Variants in VAX1 observed in about 807,000 individuals in gnomAD.
The protein encoded by VAX1 is ventral anterior homeobox 1.
Under a neutral mutation model 17.6 loss-of-function variants are expected in VAX1, and 6 were observed. The ratio of observed to expected loss-of-function variants is 0.34; its 90% CI spans 0.19 to 0.67. The LOEUF is 0.67. Ranked by LOEUF, VAX1 falls within the 30% of genes least tolerant of loss-of-function variation. The pLI is 0.69. For missense variants in VAX1, 408 were observed against 463.7 expected (o/e 0.88, Z 1.10); for synonymous variants, 256 against 227.4 (o/e 1.13, Z -1.13).
At chr10:117,132,115 A>G, downstream of VAX1, 2 of 1,316,590 alleles carry the variant, frequency 1.5e-6, no homozygotes, top group Non-Finnish European at 2.1e-6. The surrounding 1 kb of genome is among the most constrained non-coding windows in gnomAD (Gnocchi z 4.9). Flanking sequence ...AGTGGAACAA[A>G]TCGTCGTAGC....
Position 117,136,418 on chromosome 10 carries a change from G to T in VAX1, c.429+54C>A. The T allele has an allele frequency of 1.2e-6, 2 of 1,603,084 alleles. No homozygotes were observed. Among genetic ancestry groups the T allele is most frequent in the Non-Finnish European group, 1.7e-6 (2 of 1,174,994 alleles). ...GGAGGTGAAGAGCAGGCTAGGTAGG[G>T]GTGGTGGGGAGGAAGGCTGGTGCAG... On this transcript the variant is annotated intron_variant, in intron 2 of 2. Transcript: ENST00000369206. This position sits in a 1 kb window ranked among gnomAD's most constrained non-coding sequence, Gnocchi z 5.0.
rs968516162 is a variant in VAX1 at position 117,133,475 on chromosome 10, G to A, written c.*533C>T. 2 of 985,444 alleles carry A rather than the reference G, an allele frequency of 2.0e-6. No individual in the cohort carries two copies. Among genetic ancestry groups the A allele is most frequent in the African/African-American group, 3.5e-5 (2 of 57,232 alleles). The allele number at this position is 985,444 out of a possible 1,614,324, so 61.0% of individuals were successfully genotyped here. A position where few individuals can be genotyped will look rare whatever the true frequency, so the allele number is the denominator to read the frequency against. On this transcript the variant is annotated 3_prime_UTR_variant, in exon 3 of 3. Transcript: ENST00000369206. The stretch of plus-strand genomic sequence containing the variant: ...TGTTGTGTACCGACTATCCCGAGAG[G>A]TCCGCAAAGCGGGGCCCAGGGGCTC...
rs985964471 is a variant in VAX1, at chr10:117,134,859, C to T, written c.430-276G>A. Among the ~76,000 whole-genome samples, 1 of 152,142 alleles carries T rather than the reference C, an allele frequency of 6.6e-6. No individual in the cohort carries two copies. The highest frequency in any genetic ancestry group is 2.4e-5 in the African/African-American group (1 of 41,446). On this transcript the variant is annotated intron_variant, in intron 2 of 2. Transcript: ENST00000369206. The surrounding 1 kb of genome is among the most constrained non-coding windows in gnomAD (Gnocchi z 6.2). ...ACACAGAACAAAGTAATAAAATGCC[C>T]ACGGCAGGAACTCGAAGGAAGACCG...
At chr10:117,132,100 A>G (rs1854092673), downstream of VAX1, 2 of 1,157,552 alleles carry the variant, frequency 1.7e-6, no homozygotes, top group African/African-American at 3.1e-5. This position sits in a 1 kb window ranked among gnomAD's most constrained non-coding sequence, Gnocchi z 4.9. Context: ...CGAAACACTC[A>G]AGGAAGTGGA....
chr10:117,137,734 C>G lies in VAX1; in HGVS notation c.241+82G>C. On this transcript the variant is annotated intron_variant, in intron 1 of 2. Transcript: ENST00000369206. This position sits in a 1 kb window ranked among gnomAD's most constrained non-coding sequence, Gnocchi z 7.4. ...AGTCCCAGCCGGCACTCCTTCCCAC[C>G]GGCCTGTGTCGGCGGCAGCGCGCAG... 6.2e-7 allele frequency: 1 copy of G among 1,600,158 alleles called. No individual in the cohort carries two copies. The highest frequency in any genetic ancestry group is 1.1e-5 in the South Asian group (1 of 90,258).
chr10:117,135,063 G>A (rs1854154619), intron 2 of VAX1, among the ~76,000 whole-genome samples: 1 of 152,150 alleles, frequency 6.6e-6, no homozygotes, highest in Non-Finnish European at 1.5e-5. Flanking sequence ...CGGGGAGGGA[G>A]TATTGCCCAG....
Position 117,137,715 on chromosome 10 carries a change from A to G in VAX1, c.241+101T>C. 1 of 1,591,700 alleles carries G rather than the reference A, an allele frequency of 6.3e-7. No homozygotes were observed. Among genetic ancestry groups the G allele is most frequent in the African/African-American group, 1.3e-5 (1 of 74,396 alleles). On this transcript the variant is annotated intron_variant, in intron 1 of 2. Coordinates refer to ENST00000369206, the MANE Select transcript of VAX1 (RefSeq NM_001112704.2). This position sits in a 1 kb window ranked among gnomAD's most constrained non-coding sequence, Gnocchi z 7.4. Reference sequence around the variant, plus strand: ...GGCCAACAACTTTCTCCCAAGTCCCAGCCGGCACTCCTTCCCACCGGCCTG... The same window carrying G: ...GGCCAACAACTTTCTCCCAAGTCCCGGCCGGCACTCCTTCCCACCGGCCTG...
At chr10:117,132,109 G>A (rs1589945096), downstream of VAX1, 1 of 1,257,602 alleles carries the variant, frequency 8.0e-7, no homozygotes, top group Non-Finnish European at 1.1e-6. The surrounding 1 kb of genome is among the most constrained non-coding windows in gnomAD (Gnocchi z 4.9). Context: ...CAAGGAAGTG[G>A]AACAAATCGT....
chr10:117,137,978 T>C lies in VAX1; in HGVS notation c.79A>G (p.Lys27Glu), dbSNP rs751640198. ...EAARVSKNAH[K>E]ESRESKGAEG... The stretch of plus-strand genomic sequence containing the variant: ...GCGCCCTTGCTCTCCCGACTCTCCT[T>C]GTGCGCGTTCTTCGAGACCCGGGCA... The change falls in exon 1 of 3, where the codon AAG becomes GAG. Residue 27 changes from lysine (K) to glutamate (E), a missense_variant. Lys to Glu is a moderately conservative substitution (Grantham distance 56). Around this residue, in one of 4 missense-constraint regions of VAX1, gnomAD observed 133 missense variants for 112.0 expected, o/e 1.19. Transcript: ENST00000369206. The surrounding 1 kb of genome is among the most constrained non-coding windows in gnomAD (Gnocchi z 7.4). 1 of 1,613,506 alleles carries C rather than the reference T, an allele frequency of 6.2e-7. No individual in the cohort carries two copies. Among genetic ancestry groups the C allele is most frequent in the Non-Finnish European group, 8.5e-7 (1 of 1,179,900 alleles).
Position 117,138,080 on chromosome 10 carries a change from G to T in VAX1, c.-24C>A. ...ATAGGCAAGAACAACAACAAAAACA[G>T]AAAGGAAAAAAAAAGCAAAAAAAAA... On this transcript the variant is annotated 5_prime_UTR_variant, in exon 1 of 3. It adds an upstream start codon to the 5' untranslated region. Transcript: ENST00000369206. The T allele has an allele frequency of 3.4e-6, 1 of 293,790 alleles. No homozygotes were observed. The highest frequency in any genetic ancestry group is 5.1e-6 in the Non-Finnish European group (1 of 195,764). The allele number at this position is 293,790 out of a possible 1,614,324, so 18.2% of individuals were successfully genotyped here.
rs1165170726 is a variant in VAX1 at position 117,137,588 on chromosome 10, G to T, written c.241+228C>A. Among the ~76,000 whole-genome samples the T allele has an allele frequency of 2.6e-5, 4 of 152,322 alleles. No individual in the cohort carries two copies. The South Asian group carries it at 8.3e-4, about 32-fold the overall frequency. On this transcript the variant is annotated intron_variant, in intron 1 of 2. Coordinates refer to ENST00000369206, the MANE Select transcript of VAX1 (RefSeq NM_001112704.2). The surrounding 1 kb of genome is among the most constrained non-coding windows in gnomAD (Gnocchi z 7.4). ...GCGCAGCCCCTCATCTCCCCCCGCA[G>T]CCCGGTCAGCGGGGCCCCTCCGGGC...
Position 117,134,144 on chromosome 10 carries a change from G to A in VAX1, c.869C>T (p.Ser290Phe). 3.3e-6 allele frequency: 5 copies of A among 1,531,930 alleles called. No individual in the cohort carries two copies. The highest frequency in any genetic ancestry group is 4.4e-6 in the Non-Finnish European group (5 of 1,138,798). The allele number at this position is 1,531,930 out of a possible 1,614,324, so 94.9% of individuals were successfully genotyped here. ...LLGSVASRLS[S>F]APLTMAGSLA... ...CGAACCAGCCATTGTTAACGGGGCG[G>A]AGGACAGGCGGCTGGCGACGGAGCC... Residue 290 changes from serine to phenylalanine, a missense_variant, in exon 3 of 3, where the codon TCC becomes TTC. Transcript: ENST00000369206. The surrounding 1 kb of genome is among the most constrained non-coding windows in gnomAD (Gnocchi z 6.2).
Position 117,138,039 on chromosome 10 carries a change from G to A in VAX1, c.18C>T (p.Asp6=). Residue 6 remains aspartate, a synonymous_variant, in exon 1 of 3, where the codon GAC becomes GAT. Transcript: ENST00000369206. ...CCGAGTGGCATCGAACGTCCATTTTGTCTGGTTTCCCGAACATAGGCAAGA... is the reference window on the plus strand; with the variant it reads ...CCGAGTGGCATCGAACGTCCATTTTATCTGGTTTCCCGAACATAGGCAAGA... The part of the protein sequence containing the change: MFGKP[D]KMDVRCHSDA... 1 of 1,423,996 alleles carries A rather than the reference G, an allele frequency of 7.0e-7. No homozygotes were observed. The highest frequency in any genetic ancestry group is 9.4e-7 in the Non-Finnish European group (1 of 1,065,376). 88.2% of individuals were successfully genotyped at this position (1,423,996 alleles called of 1,614,324 possible). A position where few individuals can be genotyped will look rare whatever the true frequency, so the allele number is the denominator to read the frequency against.
chr10:117,131,974 G>A (rs922578096), downstream of VAX1: 6 of 468,108 alleles, frequency 1.3e-5, no homozygotes, highest in African/African-American at 1.2e-4. Flanking sequence ...TTAGGAGGCA[G>A]AGACTTTATA....
chr10:117,135,713 G>C (rs370736388), intron 2 of VAX1, among the ~76,000 whole-genome samples: 22 of 152,232 alleles, frequency 1.4e-4, no homozygotes, highest in Admixed American at 1.3e-4. Context: ...CAAGTTCTTG[G>C]GTCCTCTCCT....
In VAX1 at chr10:117,137,927, G is replaced by A. The variant is rs1436374233; in HGVS notation, c.130C>T (p.Leu44Phe). The A allele has an allele frequency of 3.7e-6, 6 of 1,613,794 alleles. No homozygotes were observed. Among genetic ancestry groups the A allele is most frequent in the Non-Finnish European group, 5.1e-6 (6 of 1,179,992 alleles). Residue 44 changes from leucine to phenylalanine, a missense_variant, in exon 1 of 3, where the codon CTC (leucine) becomes TTC (phenylalanine). By Grantham distance (22) the Leu-to-Phe change is conservative (BLOSUM62 0). Transcript: ENST00000369206. This position sits in a 1 kb window ranked among gnomAD's most constrained non-coding sequence, Gnocchi z 7.4. ...GAGAAGGCGCCCTGCGGCTCCTTGA[G>A]GAAGGCGGCTGGGAGGTTCCCCTCC... ...GAEGNLPAAFLKEPQGAFSAS... is the reference protein window; with the variant it reads ...GAEGNLPAAFFKEPQGAFSAS...
chr10:117,129,686 A>T (rs563405850), downstream of VAX1: 3 of 133,462 alleles, frequency 2.2e-5, no homozygotes, highest in South Asian at 7.2e-4. Flanking sequence ...GTAAATCATC[A>T]ACTTGTATAG....
At chr10:117,132,220 G>A, downstream of VAX1, 1 of 1,613,822 alleles carries the variant, frequency 6.2e-7, no homozygotes, top group Non-Finnish European at 8.5e-7. The surrounding 1 kb of genome is among the most constrained non-coding windows in gnomAD (Gnocchi z 4.9). Flanking sequence ...TATAGGGGCT[G>A]CCACCCTCTG....
Position 117,133,787 on chromosome 10 carries a change from A to C in VAX1, c.*221T>G. The stretch of plus-strand genomic sequence containing the variant: ...TGGATCGCTCCTGGATTCAGAAGGA[A>C]GTTGGGGGTTGGGGAGGAATCTCAG... On this transcript the variant is annotated 3_prime_UTR_variant, in exon 3 of 3. Transcript: ENST00000369206. The C allele has an allele frequency of 7.7e-7, 1 of 1,303,090 alleles. No homozygotes were observed. The highest frequency in any genetic ancestry group is 9.7e-7 in the Non-Finnish European group (1 of 1,033,232). 80.7% of individuals were successfully genotyped at this position (1,303,090 alleles called of 1,614,324 possible). A position where few individuals can be genotyped will look rare whatever the true frequency, so the allele number is the denominator to read the frequency against.
Sources: allele counts gnomAD v4.1 joint callset (sites outside exome capture counted in the v4.1 genomes callset), GRCh38; gene constraint gnomAD v4.1.1; regional missense constraint gnomAD v4.1.1; non-coding constraint Gnocchi (gnomAD v3.1); transcripts MANE v1.5; gene names NCBI Gene and HGNC (gene_info 2026-07-23, HGNC 2026-07-21).